Variants in SLC24A2 observed in about 807,000 individuals in gnomAD.
SLC24A2 encodes solute carrier family 24 member 2.
In SLC24A2, 36 loss-of-function variants were observed where a neutral mutation model predicts 62.0. That is an observed-to-expected ratio of 0.58 (90% CI 0.44 to 0.77). The LOEUF (loss-of-function observed/expected upper bound fraction) is 0.77. SLC24A2 is among the 30% of genes least tolerant of loss of function. The pLI is 0.00. For missense variants in SLC24A2, 846 were observed against 817.9 expected, an observed-to-expected ratio of 1.03 and a Z score of -0.42; for synonymous variants, 358 against 294.0, an observed-to-expected ratio of 1.22 and a Z score of -2.23.
the SLC24A2 span, among the ~76,000 whole-genome samples, chr9:19,833,034 C>T: frequency 6.6e-6 from 1 of 152,112 alleles, no homozygotes; most frequent in Non-Finnish European, 1.5e-5. Context: ...ATCAAAACCA[C>T]AATGAGATAC....
the SLC24A2 span, among the ~76,000 whole-genome samples, chr9:19,892,270 G>A: frequency 2.0e-5 from 3 of 152,088 alleles, no homozygotes; most frequent in African/African-American, 4.8e-5. Flanking sequence ...AGTAGTGTCT[G>A]TCCCCTGCTC....
chr9:20,253,846 G>A, the SLC24A2 span, among the ~76,000 whole-genome samples: 1 of 152,164 alleles, frequency 6.6e-6, no homozygotes, highest in East Asian at 1.9e-4. Context: ...ACTGGGTCAG[G>A]TGTATGTCAT....
At chr9:20,224,981 G>A in the SLC24A2 span, among the ~76,000 whole-genome samples, 1 of 152,002 alleles carries the variant, frequency 6.6e-6, no homozygotes, top group East Asian at 1.9e-4. Context: ...GAAAGTCAGG[G>A]GCCCCCTCCT....
the SLC24A2 span, among the ~76,000 whole-genome samples, chr9:20,224,901 A>C: frequency 1.3e-5 from 2 of 152,090 alleles, no homozygotes; most frequent in Non-Finnish European, 2.9e-5. Flanking sequence ...TACTTCAACT[A>C]GAAATGTCTG....
chr9:20,165,700 C>T, the SLC24A2 span, among the ~76,000 whole-genome samples: 11 of 151,836 alleles, frequency 7.2e-5, no homozygotes, highest in Admixed American at 7.2e-4. Flanking sequence ...AGAACAAAAC[C>T]TAATTAATGT....
chr9:19,592,081 C>A (rs1836569045), intron 5 of SLC24A2, among the ~76,000 whole-genome samples: 1 of 152,168 alleles, frequency 6.6e-6, no homozygotes, highest in African/African-American at 2.4e-5. Flanking sequence ...CTAAGAACAT[C>A]AAATGATTGG....
the SLC24A2 span, among the ~76,000 whole-genome samples, chr9:20,237,433 A>G: frequency 6.6e-6 from 1 of 152,168 alleles, no homozygotes; most frequent in Non-Finnish European, 1.5e-5. Context: ...TCTTTCTGAC[A>G]CTAGCATTCA....
chr9:20,266,857 C>G, the SLC24A2 span, among the ~76,000 whole-genome samples: 4 of 152,046 alleles, frequency 2.6e-5, no homozygotes, highest in Non-Finnish European at 5.9e-5. Flanking sequence ...GCAGGAGGAT[C>G]ACTTGAGGCC....
chr9:19,538,890 T>C (rs1391901644), intron 8 of SLC24A2, among the ~76,000 whole-genome samples: 1 of 128,398 alleles, frequency 7.8e-6, no homozygotes, highest in Non-Finnish European at 1.6e-5. Flanking sequence ...GAGCCTGTTA[T>C]TGGTCTATTC....
At chr9:20,032,668 A>T in the SLC24A2 span, among the ~76,000 whole-genome samples, 1 of 152,140 alleles carries the variant, frequency 6.6e-6, no homozygotes, top group Non-Finnish European at 1.5e-5. Context: ...TCAGTTTTTC[A>T]GTTAATGTGG....
chr9:20,038,628 C>CAAA, the SLC24A2 span, among the ~76,000 whole-genome samples: 24 of 32,396 alleles, frequency 7.4e-4, 6 homozygotes, highest in Non-Finnish European at 5.5e-4. Context: ...GTAAAAGAAA[C>CAAA]AAACAAAAAA....
At chr9:19,978,198 C>G in the SLC24A2 span, among the ~76,000 whole-genome samples, 1 of 152,134 alleles carries the variant, frequency 6.6e-6, no homozygotes, top group African/African-American at 2.4e-5. Context: ...AGCTGGTTTA[C>G]AACCATATAA....
At chr9:20,255,141 G>T in the SLC24A2 span, among the ~76,000 whole-genome samples, 1 of 152,322 alleles carries the variant, frequency 6.6e-6, no homozygotes, top group Admixed American at 6.5e-5. Flanking sequence ...TGTGACCAAA[G>T]TTCAGGGTTT....
At chr9:19,769,443 C>G (rs1469830743) in intron 2 of SLC24A2, among the ~76,000 whole-genome samples, 2 of 152,228 alleles carry the variant, frequency 1.3e-5, no homozygotes, top group African/African-American at 4.8e-5. Context: ...TCCACTGTCT[C>G]TAACATGAGT....
chr9:20,243,399 A>C, the SLC24A2 span, among the ~76,000 whole-genome samples: 1 of 152,206 alleles, frequency 6.6e-6, no homozygotes, highest in Non-Finnish European at 1.5e-5. Flanking sequence ...ACATGCAATG[A>C]GGTGTTATTT....
chr9:19,771,083 G>A (rs1822672024), intron 2 of SLC24A2, among the ~76,000 whole-genome samples: 1 of 152,210 alleles, frequency 6.6e-6, no homozygotes, highest in Non-Finnish European at 1.5e-5. Flanking sequence ...CCGAGAGAAG[G>A]AAGCATCATT....
chr9:20,049,028 C>T, the SLC24A2 span, among the ~76,000 whole-genome samples: 101 of 152,124 alleles, frequency 6.6e-4, 1 homozygote, highest in East Asian at 0.018. Context: ...GTGTGCTGCA[C>T]CCATCAACTC....
the SLC24A2 span, among the ~76,000 whole-genome samples, chr9:19,984,823 T>C: frequency 6.6e-6 from 1 of 152,180 alleles, no homozygotes; most frequent in African/African-American, 2.4e-5. Context: ...GACAACTGGA[T>C]ATCTACATGC....
At chr9:20,150,239 T>G in the SLC24A2 span, among the ~76,000 whole-genome samples, 2 of 151,974 alleles carry the variant, frequency 1.3e-5, no homozygotes, top group African/African-American at 4.8e-5. Context: ...CAGCCTGTAC[T>G]AAATGCAACT....
Sources: allele counts gnomAD v4.1 joint callset (sites outside exome capture counted in the v4.1 genomes callset), GRCh38; gene constraint gnomAD v4.1.1; transcripts MANE v1.5; gene names NCBI Gene and HGNC (gene_info 2026-07-23, HGNC 2026-07-21).